The following IFT172 variants were observed in gnomAD, a reference collection of about 807,000 sequenced individuals.
IFT172 encodes the protein intraflagellar transport protein 172 homolog.
In IFT172, 164 loss-of-function variants were observed where a neutral mutation model predicts 248.9. That is an observed-to-expected ratio of 0.66 (90% confidence interval 0.58 to 0.75). IFT172 has a LOEUF of 0.75. Among genes scored for constraint, IFT172 ranks in the 30% least tolerant of loss-of-function variants. IFT172 has a pLI of 0.00. For missense variants in IFT172, 1,950 were observed against 2,192.4 expected, an observed-to-expected ratio of 0.89 and a Z score of 2.21; for synonymous variants, 729 against 791.6, an observed-to-expected ratio of 0.92 and a Z score of 1.33.
intron 18 of IFT172, among the ~76,000 whole-genome samples, chr2:27,463,856 G>T (rs1363547181): frequency 6.6e-6 from 1 of 152,168 alleles, no homozygotes; most frequent in African/African-American, 2.4e-5. Flanking sequence ...TGCCAGTGTG[G>T]TTGGAGACTA....
At chr2:27,482,496 G>T (rs1668458717) in intron 7 of IFT172, among the ~76,000 whole-genome samples, 1 of 151,728 alleles carries the variant, frequency 6.6e-6, no homozygotes, top group Admixed American at 6.6e-5. Context: ...TTCACGTCAG[G>T]CTGGTTTCCA....
At chr2:27,462,570 C>T in intron 20 of IFT172, 131 bp downstream of exon 20, 1 of 737,446 alleles carries the variant, frequency 1.4e-6, no homozygotes, top group Non-Finnish European at 2.3e-6. Context: ...TATATAAACC[C>T]CTTTGAAAGT....
chr2:27,451,878 C>G (rs991870983), intron 35 of IFT172, among the ~76,000 whole-genome samples: 16 of 152,074 alleles, frequency 1.1e-4, no homozygotes, highest in African/African-American at 3.6e-4. Context: ...ATCTCACCCC[C>G]CTCATGACCC....
At chr2:27,470,831 TG>T in intron 16 of IFT172, 96 bp downstream of exon 16, 1 of 1,175,438 alleles carries the variant, frequency 8.5e-7, no homozygotes, top group Non-Finnish European at 1.2e-6. Context: ...AGATTAAGGG[TG>T]GTGGACACAG....
chr2:27,468,850 A>AAAAAAAAAAAAG (rs924815424), intron 16 of IFT172, among the ~76,000 whole-genome samples: 17 of 148,668 alleles, frequency 1.1e-4, no homozygotes, highest in African/African-American at 3.9e-4. Flanking sequence ...CTCCGTCTCA[A>AAAAAAAAAAAAG]AAAAAAAAAA....
intron 30 of IFT172, chr2:27,455,940 G>A (rs1427267165): frequency 6.4e-5 from 18 of 283,218 alleles, no homozygotes; most frequent in Non-Finnish European, 1.0e-4. Context: ...TCGGCCAGGC[G>A]CAGTGGCTCA....
rs1471730657 is a variant in IFT172, at chr2:27,454,556, C to A, written c.3465+11G>T. 2.7e-5 allele frequency: 43 copies of A among 1,613,804 alleles called. No homozygotes were observed. Among genetic ancestry groups the A allele is most frequent in the Non-Finnish European group, 3.5e-5 (41 of 1,179,724 alleles). ...AGGGCTCTGCGGTCGGGGTCCAAAT[C>A]ACACCCATACCTCATCCTCCAGGAA... is the stretch of plus-strand genomic sequence containing the variant. On this transcript the variant is annotated intron_variant, in intron 31 of 47. Coordinates refer to ENST00000260570, the MANE Select transcript of IFT172 (RefSeq NM_015662.3). This position sits in a 1 kb window ranked among gnomAD's most constrained non-coding sequence, Gnocchi z 4.2.
At chr2:27,450,187 A>G (rs960568988) in intron 35 of IFT172, 91 bp from the exon 36 acceptor site, 5 of 970,964 alleles carry the variant, frequency 5.1e-6, no homozygotes, top group Non-Finnish European at 7.9e-6. Context: ...TTTCTCCTCC[A>G]GATGCCAACT....
chr2:27,475,209 G>T (rs62131873), intron 14 of IFT172, among the ~76,000 whole-genome samples: 3 of 152,138 alleles, frequency 2.0e-5, no homozygotes, highest in African/African-American at 4.8e-5. Flanking sequence ...GAAGATGTCA[G>T]ACAATAGAAA....
intron 1 of IFT172, among the ~76,000 whole-genome samples, chr2:27,487,417 G>C (rs997882244): frequency 6.6e-6 from 1 of 152,086 alleles, no homozygotes; most frequent in Admixed American, 6.5e-5. Flanking sequence ...ACTTACCATA[G>C]AATAGGCATT....
rs146290725 is a variant in IFT172, at chr2:27,481,125, G to A, written c.706C>T (p.Arg236Cys). The A allele has an allele frequency of 2.9e-5, 46 of 1,613,726 alleles. No individual in the cohort carries two copies. In the African/African-American group the frequency reaches 4.3e-4, roughly 15 times the overall value. The change falls in exon 8 of 48, where the codon CGT becomes TGT. Residue 236 changes from arginine (R) to cysteine (C), a missense_variant. By Grantham distance (180) the Arg-to-Cys change is radical (BLOSUM62 -3). Coordinates refer to ENST00000260570, the MANE Select transcript of IFT172 (RefSeq NM_015662.3). ...GHMLQTFDYS[R>C]DPQEREFTTA... ...GTGAACTCCCGCTCCTGAGGGTCACGGCTATAATCAAAAGTTTGTAGCATG... is the reference window on the plus strand; with the variant it reads ...GTGAACTCCCGCTCCTGAGGGTCACAGCTATAATCAAAAGTTTGTAGCATG...
At chr2:27,446,130 C>T in intron 43 of IFT172, 130 bp downstream of exon 43, 1 of 1,323,888 alleles carries the variant, frequency 7.6e-7, no homozygotes, top group South Asian at 1.2e-5. Context: ...TCCAGGAAGA[C>T]ATAGGAGGAC....
At chr2:27,464,650 C>T (rs1178465428) in intron 18 of IFT172, among the ~76,000 whole-genome samples, 3 of 151,396 alleles carry the variant, frequency 2.0e-5, no homozygotes, top group Non-Finnish European at 2.9e-5. Flanking sequence ...GATACGATCT[C>T]GCGCATCAGC....
In IFT172 at chr2:27,476,656, T is replaced by C. The variant is rs1411834388; in HGVS notation, c.1396A>G (p.Lys466Glu). 6.3e-7 allele frequency: 1 copy of C among 1,585,912 alleles called. No homozygotes were observed. Among genetic ancestry groups the C allele is most frequent in the South Asian group, 1.1e-5 (1 of 90,378 alleles). The change falls in exon 14 of 48, where the codon AAG (lysine) becomes GAG (glutamate). Residue 466 changes from lysine to glutamate, a missense_variant. Transcript: ENST00000260570. Reference protein sequence around the residue: ...NKKLAYLIDIKTIAIVDLIGG... With the variant: ...NKKLAYLIDIETIAIVDLIGG... ...TCTTACTCACCTATAGCAATAGTCTTAATATCAATAAGATAAGCCAATTTC... is the reference window on the plus strand; with the variant it reads ...TCTTACTCACCTATAGCAATAGTCTCAATATCAATAAGATAAGCCAATTTC...
In IFT172 at chr2:27,481,452, CAT is replaced by C. The variant is rs1553336478; in HGVS notation, c.571-194_571-193del. 4.7e-3 allele frequency among the ~76,000 whole-genome samples: 707 copies of C among 149,266 alleles called. 5 individuals are homozygous for C. The highest frequency in any genetic ancestry group is 0.017 in the African/African-American group (661 of 39,698). ...ACACACACACACACACACACACACA[CAT>C]ACACACACACACACACCCCTATACA... On this transcript the variant is annotated intron_variant, in intron 7 of 47. Transcript: ENST00000260570.
At position 27,446,146 on chromosome 2, in the gene IFT172, C is replaced by T. The variant is rs1670985357; in HGVS notation, c.4755+114G>A. On this transcript the variant is annotated intron_variant, in intron 43 of 47. Coordinates refer to ENST00000260570, the MANE Select transcript of IFT172 (RefSeq NM_015662.3). ...CCAGGAAGACATAGGAGGACTACATCCTCCGTAACATCAGCCCTACACTCA... is the reference window on the plus strand; with the variant it reads ...CCAGGAAGACATAGGAGGACTACATTCTCCGTAACATCAGCCCTACACTCA... 6.0e-6 allele frequency: 8 copies of T among 1,322,624 alleles called. 1 individual carries two copies. In the Admixed American group the frequency reaches 1.4e-4, roughly 23 times the overall value. 81.9% of individuals were successfully genotyped at this position (1,322,624 alleles called of 1,614,324 possible).
At position 27,462,799 on chromosome 2, in the gene IFT172, G is replaced by A. The variant is rs750646519; in HGVS notation, c.2023-6C>T. 1.2e-6 allele frequency: 2 copies of A among 1,613,638 alleles called. No individual in the cohort carries two copies. The highest frequency in any genetic ancestry group is 4.5e-5 in the East Asian group (2 of 44,900). On this transcript the variant is annotated splice_polypyrimidine_tract_variant and splice_region_variant and intron_variant, in intron 19 of 47. Transcript: ENST00000260570. ...AAGTCTGTTCCTTCTCCGCCCTGTGGGGGAAAAAGGAGGTTCTGATTTTTC... is the reference window on the plus strand; with the variant it reads ...AAGTCTGTTCCTTCTCCGCCCTGTGAGGGAAAAAGGAGGTTCTGATTTTTC...
intron 30 of IFT172, chr2:27,455,789 C>A: frequency 2.1e-6 from 1 of 479,302 alleles, no homozygotes; most frequent in Non-Finnish European, 3.9e-6. Context: ...CTGACAACCT[C>A]AGTTGGCATC....
intron 29 of IFT172, 84 bp from the exon 30 acceptor site, chr2:27,456,737 T>A: frequency 6.5e-7 from 1 of 1,541,144 alleles, no homozygotes; most frequent in Non-Finnish European, 8.7e-7. Context: ...AAGGATCCAG[T>A]AACTGTTCTA....
Sources: gnomAD v4.1 joint callset for allele counts (sites outside exome capture counted in the v4.1 genomes callset) on GRCh38, gnomAD v4.1.1 for gene constraint, Gnocchi (gnomAD v3.1) non-coding constraint, MANE v1.5 for transcripts, NCBI Gene and HGNC (gene_info 2026-07-23, HGNC 2026-07-21) for gene names.